The following NEGR1 variants were observed in gnomAD, a reference collection of about 807,000 sequenced individuals.
The protein encoded by NEGR1 is IgLON family member 4.
In NEGR1, 10 loss-of-function variants were observed where a neutral mutation model predicts 40.9. The observed-to-expected ratio is 0.24, with a 90% CI of 0.15 to 0.42. NEGR1 has a LOEUF of 0.42. Among genes scored for constraint, NEGR1 ranks in the 10% least tolerant of loss-of-function variants. The probability of loss-of-function intolerance (pLI) is 1.00; values close to 1 mark genes in which losing one functional copy is unlikely to be tolerated. For missense variants in NEGR1, 352 were observed against 438.9 expected (o/e 0.80, Z 1.77); for synonymous variants, 185 against 166.8 (o/e 1.11, Z -0.84).
chr1:72,208,566 T>C (rs554102183), intron 1 of NEGR1, among the ~76,000 whole-genome samples: 12 of 151,676 alleles, frequency 7.9e-5, no homozygotes, highest in African/African-American at 2.4e-4. Context: ...GTCAAAAATA[T>C]AGTGATTTAG....
At chr1:71,796,244 A>T (rs1657320393) in intron 2 of NEGR1, among the ~76,000 whole-genome samples, 1 of 152,020 alleles carries the variant, frequency 6.6e-6, no homozygotes, top group African/African-American at 2.4e-5. Flanking sequence ...GGCACTACAG[A>T]GCCTGGGTCA....
At chr1:71,759,643 T>A (rs1280979487) in intron 3 of NEGR1, among the ~76,000 whole-genome samples, 1 of 113,528 alleles carries the variant, frequency 8.8e-6, no homozygotes, top group Non-Finnish European at 1.7e-5. Flanking sequence ...GGAGTCCCAC[T>A]CTGTCGCCCA....
intron 5 of NEGR1, among the ~76,000 whole-genome samples, chr1:71,604,447 C>T (rs1650018858): frequency 6.6e-6 from 1 of 152,060 alleles, no homozygotes; most frequent in South Asian, 2.1e-4. Flanking sequence ...CCCACCCTCC[C>T]ACAGTCCTGC....
chr1:71,652,207 C>G (rs1049126888), intron 4 of NEGR1, among the ~76,000 whole-genome samples: 19 of 152,144 alleles, frequency 1.2e-4, no homozygotes, highest in African/African-American at 4.1e-4. Context: ...TTGAGAAATA[C>G]TTCTTTAAAA....
intron 1 of NEGR1, among the ~76,000 whole-genome samples, chr1:72,091,488 G>C (rs940746976): frequency 1.4e-5 from 2 of 144,082 alleles, no homozygotes; most frequent in Admixed American, 1.5e-4. Context: ...CCCGTTGTAT[G>C]AGACTATGAG....
chr1:71,579,376 C>T (rs1649057613), intron 6 of NEGR1, among the ~76,000 whole-genome samples: 2 of 152,134 alleles, frequency 1.3e-5, no homozygotes, highest in South Asian at 2.1e-4. Context: ...TTTAGCTCAA[C>T]TTTGTATTCC....
intron 1 of NEGR1, among the ~76,000 whole-genome samples, chr1:71,982,447 C>T (rs1646362009): frequency 6.6e-6 from 1 of 152,164 alleles, no homozygotes; most frequent in African/African-American, 2.4e-5. Flanking sequence ...ATTCCAGCTT[C>T]TTTAATTTTT....
chr1:72,063,098 T>C (rs1647203174), intron 1 of NEGR1, among the ~76,000 whole-genome samples: 1 of 151,916 alleles, frequency 6.6e-6, no homozygotes, highest in South Asian at 2.1e-4. Flanking sequence ...AAAAAAAATC[T>C]GTTCAGTCCC....
intron 1 of NEGR1, among the ~76,000 whole-genome samples, chr1:71,986,679 GT>G (rs1646397512): frequency 2.0e-5 from 3 of 152,146 alleles, no homozygotes; most frequent in Admixed American, 1.3e-4. Flanking sequence ...CAAGCATCTG[GT>G]CTCTCTGGGC....
At chr1:71,611,774 C>T (rs895498808) in intron 4 of NEGR1, among the ~76,000 whole-genome samples, 34 of 152,196 alleles carry the variant, frequency 2.2e-4, no homozygotes, top group Non-Finnish European at 4.3e-4. Flanking sequence ...TTCTTCTGCC[C>T]GAATGCCGTT....
intron 2 of NEGR1, among the ~76,000 whole-genome samples, chr1:71,786,755 C>T (rs942075978): frequency 6.6e-6 from 1 of 152,188 alleles, no homozygotes; most frequent in African/African-American, 2.4e-5. Flanking sequence ...AGGATCTCTC[C>T]CCTTCCCCAC....
chr1:71,911,102 T>A (rs1661411005), intron 2 of NEGR1, among the ~76,000 whole-genome samples: 1 of 152,150 alleles, frequency 6.6e-6, no homozygotes, highest in South Asian at 2.1e-4. Flanking sequence ...TTTATTGAAA[T>A]CACTGTCTAG....
intron 1 of NEGR1, among the ~76,000 whole-genome samples, chr1:72,107,879 G>C (rs2100260709): frequency 6.6e-6 from 1 of 151,348 alleles, no homozygotes; most frequent in South Asian, 2.1e-4. Flanking sequence ...ACTTAAGTCT[G>C]TGCCATTCTA....
At chr1:72,153,327 G>A (rs995700211) in intron 1 of NEGR1, among the ~76,000 whole-genome samples, 4 of 151,658 alleles carry the variant, frequency 2.6e-5, no homozygotes, top group South Asian at 2.1e-4. Flanking sequence ...AGGAGAAAAG[G>A]CACACACAAA....
intron 3 of NEGR1, among the ~76,000 whole-genome samples, chr1:71,762,253 GAAAC>G (rs1386285763): frequency 1.4e-5 from 2 of 140,608 alleles, no homozygotes; most frequent in African/African-American, 5.2e-5. Context: ...AGAAAATAGA[GAAAC>G]AAAAATGAGA....
intron 1 of NEGR1, among the ~76,000 whole-genome samples, chr1:72,232,697 C>T (rs752806648): frequency 1.3e-4 from 20 of 151,560 alleles, no homozygotes; most frequent in South Asian, 6.2e-4. Flanking sequence ...TCTGGAAGGA[C>T]GGGTAAAATG....
chr1:71,944,261 A>G (rs186470252), intron 1 of NEGR1, among the ~76,000 whole-genome samples: 1 of 152,292 alleles, frequency 6.6e-6, no homozygotes, highest in African/African-American at 2.4e-5. Flanking sequence ...GATAATGAAA[A>G]CTACATTCAA....
At chr1:71,964,100 A>G (rs1163474850) in intron 1 of NEGR1, among the ~76,000 whole-genome samples, 8 of 152,214 alleles carry the variant, frequency 5.3e-5, no homozygotes. Flanking sequence ...CCTCAATCAT[A>G]CTATCATTAT....
chr1:72,121,907 T>C (rs1046512854), intron 1 of NEGR1, among the ~76,000 whole-genome samples: 1 of 152,006 alleles, frequency 6.6e-6, no homozygotes, highest in Non-Finnish European at 1.5e-5. Context: ...ATTACAACTT[T>C]AGCTCCTTTT....
Sources: gnomAD v4.1 joint callset for allele counts (sites outside exome capture counted in the v4.1 genomes callset) on GRCh38, gnomAD v4.1.1 for gene constraint, MANE v1.5 for transcripts, NCBI Gene and HGNC (gene_info 2026-07-23, HGNC 2026-07-21) for gene names.